The following SCP2 variants were observed in gnomAD, a reference collection of about 807,000 sequenced individuals.
SCP2 encodes the protein sterol carrier protein 2, also known as SCP-2/3-oxoacyl-CoA thiolase.
SCP2 carries 48 observed loss-of-function variants against 71.4 expected under a neutral mutation model. The ratio of observed to expected loss-of-function variants is 0.67; its 90% CI spans 0.53 to 0.86. The LOEUF is 0.86. Among genes scored for constraint, SCP2 ranks in the 40% least tolerant of loss-of-function variants. The pLI is 0.00. For missense variants in SCP2, 560 were observed against 655.6 expected (o/e 0.85, Z 1.59); for synonymous variants, 220 against 218.1 (o/e 1.01, Z -0.08).
intron 11 of SCP2, among the ~76,000 whole-genome samples, chr1:52,988,860 AT>A (rs1292074564): frequency 6.1e-4 from 88 of 143,460 alleles, no homozygotes; most frequent in East Asian, 1.0e-3. Context: ...TAATTTTTGT[AT>A]TTTTTTTTTT....
chr1:53,050,506 G>A, intron 15 of SCP2, 103 bp from the exon 16 acceptor site: 1 of 755,952 alleles, frequency 1.3e-6, no homozygotes, highest in East Asian at 2.6e-5. Context: ...AGAAAGTCAT[G>A]TGACCTGGAT....
At chr1:52,991,826 A>G (rs1252621299) in intron 11 of SCP2, among the ~76,000 whole-genome samples, 1 of 152,092 alleles carries the variant, frequency 6.6e-6, no homozygotes, top group Admixed American at 6.5e-5. Context: ...GAAGCTATAC[A>G]AGGGTATGCT....
chr1:52,934,263 A>G (rs1004301001), intron 1 of SCP2, among the ~76,000 whole-genome samples: 1 of 152,210 alleles, frequency 6.6e-6, no homozygotes, highest in Non-Finnish European at 1.5e-5. Context: ...TTTCAAGTGA[A>G]AATTAGAATT....
intron 6 of SCP2, 142 bp from the exon 7 acceptor site, chr1:52,974,627 G>T: frequency 1.4e-6 from 1 of 698,216 alleles, no homozygotes. Flanking sequence ...TGAGGGAACA[G>T]TGCTGAAGTC....
chr1:53,026,371 G>T (rs1662132340), intron 12 of SCP2, among the ~76,000 whole-genome samples: 3 of 152,188 alleles, frequency 2.0e-5, no homozygotes, highest in Admixed American at 2.0e-4. Flanking sequence ...ACAGTTTGCA[G>T]TTATTTTGTG....
chr1:53,040,751 A>C lies in SCP2; in HGVS notation c.1468+1705A>C, dbSNP rs558983963. ...AAACAAAAATCTTACCCCCATTACT[A>C]TTCCCTATTGCCTTTTTCTGCCTTA... On this transcript the variant is annotated intron_variant, in intron 14 of 15. Coordinates refer to ENST00000371514, the MANE Select transcript of SCP2 (RefSeq NM_002979.5). 7.9e-5 allele frequency among the ~76,000 whole-genome samples: 12 copies of C among 152,086 alleles called. No individual in the cohort carries two copies. The South Asian group carries it at 2.5e-3, about 32-fold the overall frequency.
At chr1:52,960,354 A>G (rs576789360) in intron 5 of SCP2, among the ~76,000 whole-genome samples, 25 of 151,694 alleles carry the variant, frequency 1.6e-4, no homozygotes, top group African/African-American at 5.6e-4. Flanking sequence ...AATTTTTTGC[A>G]GAGACGGAAT....
intron 6 of SCP2, among the ~76,000 whole-genome samples, chr1:52,966,557 T>A (rs768570256): frequency 2.6e-5 from 4 of 151,402 alleles, no homozygotes; most frequent in Admixed American, 6.6e-5. Context: ...ATATATATAT[T>A]TTATTGTTAT....
chr1:52,975,144 G>T (rs12037492), intron 7 of SCP2, among the ~76,000 whole-genome samples: 56,146 of 151,456 alleles, frequency 0.37, 11,242 homozygotes, highest in East Asian at 0.73. Context: ...TACCTCCCTA[G>T]TAGCTGGGAC....
intron 13 of SCP2, among the ~76,000 whole-genome samples, chr1:53,032,725 G>A (rs1455412332): frequency 6.6e-6 from 1 of 152,234 alleles, no homozygotes. Flanking sequence ...GTTCAAGCCT[G>A]AGAGTGTCAG....
chr1:52,944,716 G>A (rs17107484), intron 2 of SCP2, among the ~76,000 whole-genome samples: 4,088 of 151,980 alleles, frequency 0.027, 145 homozygotes, highest in East Asian at 0.19. Flanking sequence ...TTAACTCTGG[G>A]GATTGACTAG....
chr1:53,014,312 CTGCTTT>C (rs1661189000), intron 11 of SCP2, among the ~76,000 whole-genome samples: 1 of 152,094 alleles, frequency 6.6e-6, no homozygotes, highest in Non-Finnish European at 1.5e-5. Context: ...TGAAATTAGC[CTGCTTT>C]GTAACCATTC....
chr1:52,934,225 T>C (rs1327786271), intron 1 of SCP2, among the ~76,000 whole-genome samples: 1 of 152,178 alleles, frequency 6.6e-6, no homozygotes, highest in Non-Finnish European at 1.5e-5. Context: ...ACAACTGAAG[T>C]GTTTGTTTCT....
intron 1 of SCP2, chr1:52,928,891 T>G (rs1652832661): frequency 6.5e-6 from 1 of 154,422 alleles, no homozygotes; most frequent in African/African-American, 2.4e-5. Context: ...GACAGTAGGA[T>G]CTTTCGAAGT....
intron 5 of SCP2, among the ~76,000 whole-genome samples, chr1:52,959,803 C>A (rs909199499): frequency 6.6e-6 from 1 of 151,886 alleles, no homozygotes; most frequent in East Asian, 1.9e-4. Context: ...TTTATCTTCT[C>A]TCTTTTTCCA....
intron 1 of SCP2, among the ~76,000 whole-genome samples, chr1:52,933,354 A>G (rs1249576337): frequency 6.6e-6 from 1 of 152,180 alleles, no homozygotes; most frequent in Non-Finnish European, 1.5e-5. Context: ...TGGGAGGCCG[A>G]GGCTTAATTA....
chr1:53,028,528 TA>T (rs1371899466), intron 13 of SCP2, among the ~76,000 whole-genome samples: 1 of 152,016 alleles, frequency 6.6e-6, no homozygotes, highest in East Asian at 1.9e-4. Flanking sequence ...TTAAAGTAGT[TA>T]AAAAATTTTT....
intron 13 of SCP2, among the ~76,000 whole-genome samples, chr1:53,037,904 A>ACACACACACCCCCC (rs1553155260): frequency 5.5e-5 from 7 of 127,312 alleles, no homozygotes; most frequent in African/African-American, 2.3e-4. Flanking sequence ...ACACACACAC[A>ACACACACACCCCCC]CACACACACA....
At chr1:52,974,672 T>C (rs577698660) in intron 6 of SCP2, 97 bp from the exon 7 acceptor site, 401 of 776,074 alleles carry the variant, frequency 5.2e-4, no homozygotes, top group Non-Finnish European at 8.2e-4. Context: ...AGGGAAAATA[T>C]GGAGATATTT....
Sources: gnomAD v4.1 joint callset for allele counts (sites outside exome capture counted in the v4.1 genomes callset) on GRCh38, gnomAD v4.1.1 for gene constraint, MANE v1.5 for transcripts, NCBI Gene and HGNC (gene_info 2026-07-23, HGNC 2026-07-21) for gene names.